The following FAM184B variants were observed in gnomAD, a reference collection of about 807,000 sequenced individuals.
The protein encoded by FAM184B is protein FAM184B.
FAM184B carries 111 observed loss-of-function variants against 135.9 expected under a neutral mutation model. That is an observed-to-expected ratio of 0.82 (90% CI 0.70 to 0.96). FAM184B has a LOEUF of 0.96. Ranked by LOEUF, FAM184B falls within the 40% of genes least tolerant of loss-of-function variation. The pLI is 0.00. For missense variants in FAM184B, 1,375 were observed against 1,323.9 expected, an observed-to-expected ratio of 1.04 and a Z score of -0.60; for synonymous variants, 552 against 524.8, an observed-to-expected ratio of 1.05 and a Z score of -0.71.
At chr4:17,712,393 C>T (rs572283649) in intron 1 of FAM184B, among the ~76,000 whole-genome samples, 9 of 151,898 alleles carry the variant, frequency 5.9e-5, no homozygotes, top group East Asian at 1.9e-4. Context: ...CTGGTGTAGA[C>T]GCCGTGGAGT....
intron 1 of FAM184B, among the ~76,000 whole-genome samples, chr4:17,759,836 G>A (rs1718503685): frequency 6.6e-6 from 1 of 152,068 alleles, no homozygotes; most frequent in South Asian, 2.1e-4. Flanking sequence ...AAAAGTCTTA[G>A]CCATCTTCTG....
Position 17,652,897 on chromosome 4 carries a change from C to T in FAM184B, c.2124G>A (p.Glu708=), listed in dbSNP as rs1365621241. The T allele has an allele frequency of 4.5e-6, 7 of 1,551,674 alleles. No homozygotes were observed. In the African/African-American group the frequency reaches 5.5e-5, roughly 12 times the overall value. ...QTHRLELQAL[E]EKARQELQEE... ...CCTGCAGCTCTTGCCTGGCCTTTTC[C>T]TCCAAGGCCTGGAGCTCCAGTCGGT... The change falls in exon 11 of 18, where the codon GAG becomes GAA. Residue 708 remains glutamate, a synonymous_variant. Transcript: ENST00000265018.
At chr4:17,744,555 C>T (rs891256711) in intron 1 of FAM184B, among the ~76,000 whole-genome samples, 2 of 151,600 alleles carry the variant, frequency 1.3e-5, no homozygotes, top group Non-Finnish European at 1.5e-5. Context: ...GTCTTCATTC[C>T]GCAGAGTTGC....
chr4:17,779,016 T>C (rs1319916398), intron 1 of FAM184B, among the ~76,000 whole-genome samples: 3 of 152,170 alleles, frequency 2.0e-5, no homozygotes, highest in African/African-American at 7.2e-5. Context: ...GTTAAGTATG[T>C]ATGTTGAAAA....
At chr4:17,707,506 T>G in intron 3 of FAM184B, 143 bp downstream of exon 3, 1 of 999,122 alleles carries the variant, frequency 1.0e-6, no homozygotes, top group Non-Finnish European at 1.4e-6. Flanking sequence ...CTGCAGGGAT[T>G]GGTCTCACCC....
chr4:17,765,068 AG>A (rs1718629359), intron 1 of FAM184B, among the ~76,000 whole-genome samples: 1 of 152,230 alleles, frequency 6.6e-6, no homozygotes, highest in Non-Finnish European at 1.5e-5. Flanking sequence ...TCTCAAAAAA[AG>A]AAAAAAAGAA....
At position 17,652,921 on chromosome 4, in the gene FAM184B, G is replaced by A. The variant is rs749750051; in HGVS notation, c.2100C>T (p.His700=). Reference sequence around the variant, plus strand: ...CCTCCAAGGCCTGGAGCTCCAGTCGGTGTGTCTGGTGTTGGATCTGGAGGC... The same window carrying A: ...CCTCCAAGGCCTGGAGCTCCAGTCGATGTGTCTGGTGTTGGATCTGGAGGC... ...SHSLQIQHQT[H]RLELQALEEK... The change falls in exon 11 of 18, where the codon CAC becomes CAT. Residue 700 remains histidine, a synonymous_variant. Coordinates refer to ENST00000265018, the MANE Select transcript of FAM184B (RefSeq NM_015688.2). 8 of 1,551,712 alleles carry A rather than the reference G, an allele frequency of 5.2e-6. No homozygotes were observed. Among genetic ancestry groups the A allele is most frequent in the African/African-American group, 1.4e-5 (1 of 73,172 alleles).
intron 10 of FAM184B, 59 bp from the exon 11 acceptor site, chr4:17,653,042 AC>A: frequency 6.7e-7 from 1 of 1,497,192 alleles, no homozygotes; most frequent in Non-Finnish European, 9.1e-7. Flanking sequence ...GGGAGACCTG[AC>A]TCCTTTGCCA....
At chr4:17,757,701 G>A (rs940091139) in intron 1 of FAM184B, among the ~76,000 whole-genome samples, 11 of 149,836 alleles carry the variant, frequency 7.3e-5, no homozygotes, top group African/African-American at 1.5e-4. Context: ...ACATTATACC[G>A]TATACTTTCT....
At chr4:17,668,945 T>G (rs1413650460) in intron 7 of FAM184B, among the ~76,000 whole-genome samples, 1 of 152,258 alleles carries the variant, frequency 6.6e-6, no homozygotes, top group Non-Finnish European at 1.5e-5. Flanking sequence ...TGCCTTGTAC[T>G]GTTATAGGAG....
At chr4:17,765,900 T>G (rs769828148) in intron 1 of FAM184B, among the ~76,000 whole-genome samples, 3 of 152,186 alleles carry the variant, frequency 2.0e-5, no homozygotes, top group Non-Finnish European at 4.4e-5. Flanking sequence ...GCTGCAGACC[T>G]TCGCGGTGGT....
intron 1 of FAM184B, among the ~76,000 whole-genome samples, chr4:17,718,360 G>T (rs979123272): frequency 6.6e-6 from 1 of 152,060 alleles, no homozygotes; most frequent in Non-Finnish European, 1.5e-5. Flanking sequence ...AAAAAAGCTG[G>T]TAATATGCTT....
intron 7 of FAM184B, among the ~76,000 whole-genome samples, chr4:17,668,682 G>A (rs1716106997): frequency 6.6e-6 from 1 of 152,162 alleles, no homozygotes. Flanking sequence ...ACAGGCGTGT[G>A]ACAACACGCC....
chr4:17,706,233 TATAAGCAG>T (rs1409388508), intron 3 of FAM184B, among the ~76,000 whole-genome samples: 7 of 152,360 alleles, frequency 4.6e-5, no homozygotes, highest in Middle Eastern at 3.4e-3. Context: ...CAATATTTAA[TATAAGCAG>T]AATGACTAAG....
intron 1 of FAM184B, among the ~76,000 whole-genome samples, chr4:17,724,468 G>T (rs1321733391): frequency 6.6e-6 from 1 of 152,196 alleles, no homozygotes; most frequent in Non-Finnish European, 1.5e-5. Context: ...GAGGGATTTG[G>T]CTCTGGCTGT....
At chr4:17,636,872 G>A (rs1054323808) in intron 14 of FAM184B, among the ~76,000 whole-genome samples, 7 of 152,162 alleles carry the variant, frequency 4.6e-5, no homozygotes, top group African/African-American at 1.4e-4. Context: ...AAAGGCCCCT[G>A]TGTGCACATA....
intron 7 of FAM184B, among the ~76,000 whole-genome samples, chr4:17,678,550 C>G (rs1365496866): frequency 6.6e-6 from 1 of 152,076 alleles, no homozygotes; most frequent in Non-Finnish European, 1.5e-5. Context: ...AATGGAAACA[C>G]ATCCCATAGT....
chr4:17,664,536 T>C, intron 8 of FAM184B, 26 bp downstream of exon 8: 1 of 1,511,982 alleles, frequency 6.6e-7, no homozygotes, highest in Non-Finnish European at 9.0e-7. Context: ...AATGGAGCAC[T>C]CAGAAGTCTG....
At chr4:17,771,832 T>C (rs1718825790) in intron 1 of FAM184B, among the ~76,000 whole-genome samples, 1 of 152,230 alleles carries the variant, frequency 6.6e-6, no homozygotes, top group Non-Finnish European at 1.5e-5. Context: ...CAGAAAGGGA[T>C]GGGAAATGAA....
Sources: allele counts gnomAD v4.1 joint callset (sites outside exome capture counted in the v4.1 genomes callset), GRCh38; gene constraint gnomAD v4.1.1; transcripts MANE v1.5; gene names NCBI Gene and HGNC (gene_info 2026-07-23, HGNC 2026-07-21).